Variants in DYNC2H1 observed in about 807,000 individuals in gnomAD.
DYNC2H1 encodes the protein dynein cytoplasmic 2 heavy chain 1.
In DYNC2H1, 410 loss-of-function variants were observed where a neutral mutation model predicts 570.0. The observed-to-expected ratio is 0.72, with a 90% CI of 0.66 to 0.78. DYNC2H1 has a LOEUF of 0.78. Ranked by LOEUF, DYNC2H1 falls within the 30% of genes least tolerant of loss-of-function variation. The probability of loss-of-function intolerance (pLI) is 0.00; values close to 1 mark genes in which losing one functional copy is unlikely to be tolerated. For missense variants in DYNC2H1, 4,865 were observed against 5,046.4 expected, an observed-to-expected ratio of 0.96 and a Z score of 1.09; for synonymous variants, 1,688 against 1,677.6, an observed-to-expected ratio of 1.01 and a Z score of -0.15.
In DYNC2H1 at chr11:103,177,820, G is replaced by A. The variant is rs376691608; in HGVS notation, c.6139G>A (p.Asp2047Asn). 2.6e-5 allele frequency: 42 copies of A among 1,607,426 alleles called. No homozygotes were observed. Among genetic ancestry groups the A allele is most frequent in the African/African-American group, 2.4e-4 (18 of 74,458 alleles). ...TCGTCAAGTGGTTCGGGAACCTCAA[G>A]GTTAGTCTCTATGTATACTTCTTTG... ...SARQVVREPQ[D>N]VSSWIICDGD... is the part of the protein sequence containing the mutation. Residue 2047 changes from aspartate (D) to asparagine (N), a missense_variant and splice_region_variant, in exon 38 of 89, where the codon GAT becomes AAT. Physicochemically the swap from Asp to Asn is conservative, Grantham distance 23. Coordinates refer to ENST00000375735, the MANE Select transcript of DYNC2H1 (RefSeq NM_001377.3). This position sits in a 1 kb window ranked among gnomAD's most constrained non-coding sequence, Gnocchi z 4.4.
Position 103,316,597 on chromosome 11 carries a change from AC to A in DYNC2H1, c.11703del (p.Asn3901LysfsTer31). ...TTATCAGATCTTCGGGCTGGGTACA[AC>A]ATTATTGACAGACTTTTTGATGGTA... is the stretch of plus-strand genomic sequence containing the variant. ...FSLSDLRAGYNIIDRLFDGAK... is the reference protein window; with the variant it reads ...FSLSDLRAGYXIIDRLFDGAK... On this transcript the variant is annotated frameshift_variant, in exon 80 of 89. Coordinates refer to ENST00000375735, the MANE Select transcript of DYNC2H1 (RefSeq NM_001377.3). LOFTEE classifies it high-confidence loss of function. 1 of 1,547,920 alleles carries A rather than the reference AC, an allele frequency of 6.5e-7. No homozygotes were observed.
rs1941070994 is a variant in DYNC2H1 at position 103,369,823 on chromosome 11, T to C, written c.12156+11464T>C. On this transcript the variant is annotated intron_variant, in intron 83 of 88. Transcript: ENST00000375735. The surrounding 1 kb of genome is among the most constrained non-coding windows in gnomAD (Gnocchi z 4.0). The stretch of plus-strand genomic sequence containing the variant: ...CATAACCAGCAGCAATACCCACGTG[T>C]ACTACATTGAGGGCCTTGGGTGAGG... Among the ~76,000 whole-genome samples, 1 of 152,180 alleles carries C rather than the reference T, an allele frequency of 6.6e-6. No individual in the cohort carries two copies. The highest frequency in any genetic ancestry group is 2.1e-4 in the South Asian group (1 of 4,826).
rs546223334 is a variant in DYNC2H1 at position 103,127,049 on chromosome 11, A to C, written c.1857+1754A>C. 1.2e-4 allele frequency among the ~76,000 whole-genome samples: 18 copies of C among 152,326 alleles called. No individual in the cohort carries two copies. In the East Asian group the frequency reaches 3.1e-3, roughly 26 times the overall value. On this transcript the variant is annotated intron_variant, in intron 12 of 88. Transcript: ENST00000375735. ...TGAAAGCATAGAGGTAGGAAGTTTC[A>C]ATTCTTTTCCTAGGTAGGGATAGAA... is the stretch of plus-strand genomic sequence containing the variant.
chr11:103,162,411 T>C (rs1399593663), intron 29 of DYNC2H1, among the ~76,000 whole-genome samples: 2 of 152,226 alleles, frequency 1.3e-5, no homozygotes, highest in Non-Finnish European at 2.9e-5. Context: ...TAAATATTCA[T>C]TGTTTATCAA....
chr11:103,336,403 G>C (rs1052447954), intron 82 of DYNC2H1, among the ~76,000 whole-genome samples: 1 of 151,984 alleles, frequency 6.6e-6, no homozygotes, highest in Non-Finnish European at 1.5e-5. Context: ...CTATCTAACT[G>C]TATTTTTGTA....
intron 83 of DYNC2H1, among the ~76,000 whole-genome samples, chr11:103,361,263 C>T (rs1237955463): frequency 6.6e-6 from 1 of 152,108 alleles, no homozygotes; most frequent in Non-Finnish European, 1.5e-5. Context: ...GATTAGTGCT[C>T]TTATTAAAGA....
intron 82 of DYNC2H1, among the ~76,000 whole-genome samples, chr11:103,357,382 G>A (rs1940400593): frequency 6.6e-6 from 1 of 152,124 alleles, no homozygotes; most frequent in Non-Finnish European, 1.5e-5. Context: ...TTAGAGCCTT[G>A]TATGTAGAGG....
chr11:103,110,919 G>A (rs1486417717), intron 1 of DYNC2H1, among the ~76,000 whole-genome samples: 1 of 151,844 alleles, frequency 6.6e-6, no homozygotes, highest in Non-Finnish European at 1.5e-5. Context: ...TCTGCCTCCC[G>A]GGTTCAAGCG....
At chr11:103,269,172 A>T (rs2135301249) in intron 70 of DYNC2H1, among the ~76,000 whole-genome samples, 1 of 152,298 alleles carries the variant, frequency 6.6e-6, no homozygotes, top group South Asian at 2.1e-4. Context: ...AATCATTTTT[A>T]AAAAGCTATT....
rs2135251398 is a variant in DYNC2H1 at position 103,252,397 on chromosome 11, T to G, written c.10043-888T>G. Reference sequence around the variant, plus strand: ...GAAAAAAGATTGCTGGGTCATATGGTAGTTCTGTTTTTAATTTCTTTAGGA... The same window carrying G: ...GAAAAAAGATTGCTGGGTCATATGGGAGTTCTGTTTTTAATTTCTTTAGGA... On this transcript the variant is annotated intron_variant, in intron 65 of 88. Transcript: ENST00000375735. The surrounding 1 kb of genome is among the most constrained non-coding windows in gnomAD (Gnocchi z 4.6). Among the ~76,000 whole-genome samples the G allele has an allele frequency of 6.6e-6, 1 of 152,262 alleles. No individual in the cohort carries two copies. The highest frequency in any genetic ancestry group is 1.9e-4 in the East Asian group (1 of 5,184).
intron 20 of DYNC2H1, among the ~76,000 whole-genome samples, chr11:103,149,770 G>A (rs542239583): frequency 3.2e-4 from 48 of 151,040 alleles, no homozygotes; most frequent in South Asian, 1.5e-3. Flanking sequence ...ACGTGTGTGC[G>A]TGTGTGTGTG....
At chr11:103,229,944 G>A (rs1299809530) in intron 59 of DYNC2H1, among the ~76,000 whole-genome samples, 1 of 152,078 alleles carries the variant, frequency 6.6e-6, no homozygotes, top group African/African-American at 2.4e-5. Flanking sequence ...TCAAAATTTG[G>A]TTCCTAGACC....
chr11:103,429,574 G>T (rs139912225), intron 84 of DYNC2H1, among the ~76,000 whole-genome samples: 1 of 152,084 alleles, frequency 6.6e-6, no homozygotes, highest in African/African-American at 2.4e-5. Flanking sequence ...ATTACTCATT[G>T]TCTGTGTTGT....
intron 70 of DYNC2H1, among the ~76,000 whole-genome samples, chr11:103,273,068 G>C (rs1281164271): frequency 6.7e-6 from 1 of 149,938 alleles, no homozygotes; most frequent in Non-Finnish European, 1.5e-5. Context: ...GATTTTGACA[G>C]TTTTTTTAAA....
intron 65 of DYNC2H1, among the ~76,000 whole-genome samples, chr11:103,246,193 C>T (rs1004840911): frequency 4.6e-5 from 7 of 151,988 alleles, no homozygotes; most frequent in Non-Finnish European, 8.8e-5. Flanking sequence ...TGTATAACAA[C>T]AGAAGCTTGT....
At chr11:103,391,229 C>T (rs568122419) in intron 83 of DYNC2H1, among the ~76,000 whole-genome samples, 19 of 152,260 alleles carry the variant, frequency 1.2e-4, no homozygotes, top group South Asian at 2.1e-4. Flanking sequence ...CTTCTCTTCT[C>T]GCTTCATTTC....
intron 40 of DYNC2H1, among the ~76,000 whole-genome samples, chr11:103,184,171 TCTGTA>T (rs1861971221): frequency 6.6e-6 from 1 of 151,954 alleles, no homozygotes; most frequent in Non-Finnish European, 1.5e-5. Flanking sequence ...CCCACAACAT[TCTGTA>T]CTGCTGTAGC....
intron 59 of DYNC2H1, among the ~76,000 whole-genome samples, chr11:103,226,054 A>G (rs536408439): frequency 4.6e-5 from 7 of 152,180 alleles, no homozygotes; most frequent in African/African-American, 1.4e-4. Flanking sequence ...ATTTGTGTAC[A>G]TGAATTTTAT....
In DYNC2H1 at chr11:103,176,429, A is replaced by C. The variant is rs778254810; in HGVS notation, c.5869A>C (p.Asn1957His). 1 of 1,518,476 alleles carries C rather than the reference A, an allele frequency of 6.6e-7. No individual in the cohort carries two copies. Among genetic ancestry groups the C allele is most frequent in the African/African-American group, 1.4e-5 (1 of 70,440 alleles). The allele number at this position is 1,518,476 out of a possible 1,614,324, so 94.1% of individuals were successfully genotyped here. A position where few individuals can be genotyped will look rare whatever the true frequency, so the allele number is the denominator to read the frequency against. The change falls in exon 37 of 89, where the codon AAT becomes CAT. Residue 1957 changes from asparagine (N) to histidine (H), a missense_variant. Asn to His is a moderately conservative substitution (Grantham distance 68). Coordinates refer to ENST00000375735, the MANE Select transcript of DYNC2H1 (RefSeq NM_001377.3). ...FEEANYEIIP[N>H]QIKKALELYE... is the part of the protein sequence containing the mutation. ...AGAGGCCAATTATGAAATTATACCCAATCAGGTAACTGTCAAGAATATTTT... is the reference window on the plus strand; with the variant it reads ...AGAGGCCAATTATGAAATTATACCCCATCAGGTAACTGTCAAGAATATTTT...
Sources: allele counts gnomAD v4.1 joint callset (sites outside exome capture counted in the v4.1 genomes callset), GRCh38; gene constraint gnomAD v4.1.1; non-coding constraint Gnocchi (gnomAD v3.1); transcripts MANE v1.5; gene names NCBI Gene and HGNC (gene_info 2026-07-23, HGNC 2026-07-21).